CSMD2: variants seen among roughly 807,000 people sequenced by gnomAD.
The protein encoded by CSMD2 is CUB and sushi domain-containing protein 2.
CSMD2 carries 130 observed loss-of-function variants against 398.5 expected under a neutral mutation model. The observed-to-expected ratio is 0.33, with a 90% CI of 0.28 to 0.38. The LOEUF is 0.38. CSMD2 is among the 10% of genes least tolerant of loss of function. The probability of loss-of-function intolerance (pLI) is 1.00; values close to 1 mark genes in which losing one functional copy is unlikely to be tolerated. For missense variants in CSMD2, 3,829 were observed against 4,764.9 expected, an observed-to-expected ratio of 0.80 and a Z score of 5.78; for synonymous variants, 1,828 against 1,908.5, an observed-to-expected ratio of 0.96 and a Z score of 1.10.
intron 19 of CSMD2, 109 bp downstream of exon 19, chr1:33,724,088 C>A (rs149604535): frequency 1.1e-5 from 8 of 740,450 alleles, no homozygotes; most frequent in African/African-American, 1.7e-5. Flanking sequence ...TCAGACGAAG[C>A]CCAGAGGTCA....
chr1:34,152,937 A>G (rs1439242429), intron 1 of CSMD2, among the ~76,000 whole-genome samples: 2 of 152,114 alleles, frequency 1.3e-5, no homozygotes, highest in Non-Finnish European at 2.9e-5. Context: ...GTCTCTATGA[A>G]TTTGCCTGTG....
At chr1:33,659,472 A>G (rs1429963700) in intron 26 of CSMD2, among the ~76,000 whole-genome samples, 1 of 152,244 alleles carries the variant, frequency 6.6e-6, no homozygotes, top group African/African-American at 2.4e-5. Flanking sequence ...AGGATAAATA[A>G]TACTGATTTG....
chr1:33,617,721 C>T (rs1359333680), intron 37 of CSMD2, 104 bp from the exon 38 acceptor site: 4 of 780,008 alleles, frequency 5.1e-6, no homozygotes, highest in African/African-American at 5.1e-5. Flanking sequence ...AGGGGTGCTT[C>T]TAATTTGTGC....
intron 3 of CSMD2, among the ~76,000 whole-genome samples, chr1:33,941,257 C>G (rs1644662697): frequency 6.6e-6 from 1 of 152,204 alleles, no homozygotes; most frequent in African/African-American, 2.4e-5. Flanking sequence ...AATGAATCTC[C>G]TCTGTGGCTG....
intron 1 of CSMD2, among the ~76,000 whole-genome samples, chr1:34,107,892 A>G (rs1490671212): frequency 6.6e-6 from 1 of 152,196 alleles, no homozygotes; most frequent in African/African-American, 2.4e-5. Context: ...AAGAATCATA[A>G]TAACTCGGGA....
At chr1:33,593,654 G>C (rs1026144015) in intron 44 of CSMD2, among the ~76,000 whole-genome samples, 4 of 152,192 alleles carry the variant, frequency 2.6e-5, no homozygotes, top group African/African-American at 9.7e-5. Context: ...TTCAAGATGA[G>C]ATTTGGGTGG....
chr1:33,606,693 C>T (rs956245718), intron 41 of CSMD2, among the ~76,000 whole-genome samples: 1 of 152,124 alleles, frequency 6.6e-6, no homozygotes. Flanking sequence ...AGGGTAGCCA[C>T]GTGGACTCAG....
At chr1:33,666,580 G>A (rs183119537) in intron 25 of CSMD2, among the ~76,000 whole-genome samples, 5 of 149,674 alleles carry the variant, frequency 3.3e-5, no homozygotes, top group African/African-American at 7.4e-5. Flanking sequence ...TCTTACTTTC[G>A]GTCACTAGTT....
chr1:34,136,073 GA>G (rs1193414989), intron 1 of CSMD2, among the ~76,000 whole-genome samples: 2 of 152,150 alleles, frequency 1.3e-5, no homozygotes, highest in Non-Finnish European at 1.5e-5. Flanking sequence ...TGGAAGGGGA[GA>G]AAAATTAGGT....
At chr1:33,554,220 C>G (rs1179789065) in intron 55 of CSMD2, among the ~76,000 whole-genome samples, 5 of 105,544 alleles carry the variant, frequency 4.7e-5, no homozygotes, top group East Asian at 3.3e-4. Context: ...GAGACAGAGT[C>G]TTGCTCTGTC....
intron 2 of CSMD2, among the ~76,000 whole-genome samples, chr1:34,033,169 C>T (rs1358595953): frequency 6.6e-6 from 1 of 152,146 alleles, no homozygotes; most frequent in East Asian, 1.9e-4. Context: ...ATGTCTACTG[C>T]TTTTATAGAA....
chr1:33,617,015 T>G, intron 38 of CSMD2, 40 bp from the exon 39 acceptor site: 8 of 1,534,346 alleles, frequency 5.2e-6, no homozygotes, highest in Non-Finnish European at 6.3e-6. Flanking sequence ...GCTGTCCCCG[T>G]GGGCACAATT....
intron 5 of CSMD2, among the ~76,000 whole-genome samples, chr1:33,911,784 T>G (rs1037983217): frequency 6.6e-6 from 1 of 152,212 alleles, no homozygotes; most frequent in Non-Finnish European, 1.5e-5. Flanking sequence ...AGGCATCCTA[T>G]TCTTCTGCAG....
chr1:33,532,592 T>C (rs1440484657), intron 64 of CSMD2, among the ~76,000 whole-genome samples: 1 of 152,224 alleles, frequency 6.6e-6, no homozygotes, highest in Non-Finnish European at 1.5e-5. Context: ...GGTTGTGTCT[T>C]TCCCCTCTGA....
Position 33,708,615 on chromosome 1 carries a change from A to ATTG in CSMD2, c.3576+473_3576+474insCAA, listed in dbSNP as rs1402213414. On this transcript the variant is annotated intron_variant, in intron 22 of 70. Transcript: ENST00000373381. ...ACTTATTATTATTATTATTATTATTATTTTGAGACAGGGTCTGACTCTGTC... is the reference window on the plus strand; with the variant it reads ...ACTTATTATTATTATTATTATTATTATTGTTTTGAGACAGGGTCTGACTCTGTC... Among the ~76,000 whole-genome samples the ATTG allele has an allele frequency of 1.9e-4, 28 of 149,734 alleles. No individual in the cohort carries two copies. In the East Asian group the frequency reaches 4.9e-3, roughly 26 times the overall value.
intron 2 of CSMD2, among the ~76,000 whole-genome samples, chr1:34,067,550 T>C (rs887425848): frequency 1.3e-5 from 2 of 152,156 alleles, no homozygotes; most frequent in Non-Finnish European, 2.9e-5. Context: ...GGGATTATCC[T>C]GACTAGTCCA....
At chr1:33,629,316 G>A (rs1315017667) in intron 32 of CSMD2, among the ~76,000 whole-genome samples, 1 of 152,126 alleles carries the variant, frequency 6.6e-6, no homozygotes, top group African/African-American at 2.4e-5. Context: ...ATGGAAAAGC[G>A]AGGAAGCAAA....
At chr1:33,958,013 T>G (rs954542751) in intron 3 of CSMD2, among the ~76,000 whole-genome samples, 1 of 152,006 alleles carries the variant, frequency 6.6e-6, no homozygotes, top group African/African-American at 2.4e-5. Context: ...GATGCCACCC[T>G]GAAAAAATAA....
rs79079927 is a variant in CSMD2, at chr1:33,589,679, G to T, written c.6857-2511C>A. Among the ~76,000 whole-genome samples, 390 of 152,224 alleles carry T rather than the reference G, an allele frequency of 2.6e-3. 2 individuals carry two copies. Among genetic ancestry groups the T allele is most frequent in the Non-Finnish European group, 4.2e-3 (285 of 68,030 alleles). ...TGACAAAACAGTGCCTCTGTGCATT[G>T]CATACTGTACCATCCACATCCAGTG... On this transcript the variant is annotated intron_variant, in intron 44 of 70. Coordinates refer to ENST00000373381, the MANE Select transcript of CSMD2 (RefSeq NM_001281956.2).
Sources: gnomAD v4.1 joint callset for allele counts (sites outside exome capture counted in the v4.1 genomes callset) on GRCh38, gnomAD v4.1.1 for gene constraint, MANE v1.5 for transcripts, NCBI Gene and HGNC (gene_info 2026-07-23, HGNC 2026-07-21) for gene names.